The following CADM2 variants were observed in gnomAD, a reference collection of about 807,000 sequenced individuals.
CADM2 encodes the protein cell adhesion molecule 2.
Under a neutral mutation model 49.8 loss-of-function variants are expected in CADM2, and 12 were observed. The observed-to-expected ratio is 0.24, with a 90% CI of 0.15 to 0.39. CADM2 has a LOEUF of 0.39. Among genes scored for constraint, CADM2 ranks in the 10% least tolerant of loss-of-function variants. CADM2 has a pLI of 1.00. For missense variants in CADM2, 378 were observed against 492.3 expected (o/e 0.77, Z 2.20); for synonymous variants, 214 against 175.4 (o/e 1.22, Z -1.74).
At chr3:85,521,952 C>G (rs1474957406) in intron 1 of CADM2, among the ~76,000 whole-genome samples, 1 of 152,024 alleles carries the variant, frequency 6.6e-6, no homozygotes, top group African/African-American at 2.4e-5. Context: ...GTACCAGTCG[C>G]TTTTCTGGGG....
chr3:85,584,054 TTA>T, intron 1 of CADM2, among the ~76,000 whole-genome samples: 1 of 152,206 alleles, frequency 6.6e-6, no homozygotes, highest in East Asian at 1.9e-4. Flanking sequence ...TGTCATATTG[TTA>T]AAATTATGCA....
chr3:85,977,130 A>G (rs1356135547), intron 8 of CADM2, among the ~76,000 whole-genome samples: 1 of 151,082 alleles, frequency 6.6e-6, no homozygotes, highest in Non-Finnish European at 1.5e-5. Flanking sequence ...TACTATAATA[A>G]TAATAATTAT....
At chr3:85,524,032 T>C (rs920025357) in intron 1 of CADM2, among the ~76,000 whole-genome samples, 1 of 152,156 alleles carries the variant, frequency 6.6e-6, no homozygotes, top group African/African-American at 2.4e-5. Context: ...TTCCAAGTTA[T>C]AAGGAAATCA....
chr3:85,488,995 GT>G (rs1168944005), intron 1 of CADM2, among the ~76,000 whole-genome samples: 1 of 151,936 alleles, frequency 6.6e-6, no homozygotes, highest in African/African-American at 2.4e-5. Context: ...TCCATATACT[GT>G]GTATATTTAT....
intron 1 of CADM2, among the ~76,000 whole-genome samples, chr3:85,469,353 G>A (rs2038664206): frequency 6.6e-6 from 1 of 152,120 alleles, no homozygotes; most frequent in South Asian, 2.1e-4. Flanking sequence ...CAAGGGAGCT[G>A]GAGCCAAGCA....
At chr3:85,683,357 G>A (rs2107662314) in intron 1 of CADM2, among the ~76,000 whole-genome samples, 1 of 152,272 alleles carries the variant, frequency 6.6e-6, no homozygotes, top group African/African-American at 2.4e-5. Flanking sequence ...ATTTGCTTAT[G>A]CTGTATGATG....
At chr3:85,327,935 A>G (rs1277995041) in intron 1 of CADM2, among the ~76,000 whole-genome samples, 2 of 152,210 alleles carry the variant, frequency 1.3e-5, no homozygotes, top group African/African-American at 4.8e-5. Context: ...TTACTTAAAC[A>G]GCTAAACCTT....
chr3:85,438,668 A>C (rs1367555324), intron 1 of CADM2, among the ~76,000 whole-genome samples: 6 of 151,682 alleles, frequency 4.0e-5, no homozygotes, highest in Admixed American at 2.0e-4. Context: ...TTTCCTTTTC[A>C]TTTTCCTTTT....
chr3:85,884,393 C>G (rs1713263537), intron 4 of CADM2, among the ~76,000 whole-genome samples: 3 of 152,130 alleles, frequency 2.0e-5, no homozygotes, highest in Non-Finnish European at 4.4e-5. Flanking sequence ...AAACATTTCT[C>G]TGCAAGTGAC....
chr3:85,003,628 A>T (rs2033581487), intron 1 of CADM2, among the ~76,000 whole-genome samples: 1 of 152,112 alleles, frequency 6.6e-6, no homozygotes, highest in South Asian at 2.1e-4. Flanking sequence ...AAAAAAATAA[A>T]ATTTTGTGAA....
chr3:85,573,113 A>G (rs1279664102), intron 1 of CADM2, among the ~76,000 whole-genome samples: 1 of 152,074 alleles, frequency 6.6e-6, no homozygotes, highest in Non-Finnish European at 1.5e-5. Flanking sequence ...GCTTATTTCA[A>G]CATCTACATG....
intron 1 of CADM2, among the ~76,000 whole-genome samples, chr3:85,255,611 G>A: frequency 6.6e-6 from 1 of 151,336 alleles, no homozygotes; most frequent in Non-Finnish European, 1.5e-5. Flanking sequence ...AAAAAAATAT[G>A]TGTAAAACTC....
At chr3:85,127,576 T>C (rs545661314) in intron 1 of CADM2, among the ~76,000 whole-genome samples, 2 of 152,332 alleles carry the variant, frequency 1.3e-5, no homozygotes, top group Non-Finnish European at 2.9e-5. Flanking sequence ...AATTTAATAA[T>C]TTATTTATAC....
intron 2 of CADM2, among the ~76,000 whole-genome samples, chr3:85,758,508 C>T (rs2069224245): frequency 6.6e-6 from 1 of 152,080 alleles, no homozygotes. Flanking sequence ...CCTAAAGATA[C>T]TCTTAATTTT....
At chr3:85,205,018 A>T (rs995573547) in intron 1 of CADM2, among the ~76,000 whole-genome samples, 100 of 141,088 alleles carry the variant, frequency 7.1e-4, no homozygotes, top group African/African-American at 2.4e-3. Flanking sequence ...ACTTTACTTA[A>T]TTTTTTTTTT....
intron 1 of CADM2, among the ~76,000 whole-genome samples, chr3:85,438,205 A>G (rs2037022785): frequency 6.6e-6 from 1 of 152,096 alleles, no homozygotes; most frequent in Non-Finnish European, 1.5e-5. Context: ...TACCAAATTC[A>G]TACCATGATC....
chr3:85,416,994 A>G (rs1008330240), intron 1 of CADM2, among the ~76,000 whole-genome samples: 1 of 152,146 alleles, frequency 6.6e-6, no homozygotes, highest in African/African-American at 2.4e-5. Context: ...GTCTCTGATT[A>G]TGAAAATCTG....
At position 85,082,385 on chromosome 3, in the gene CADM2, T is replaced by C. The variant is rs181433683; in HGVS notation, c.61+122717T>C. On this transcript the variant is annotated intron_variant, in intron 1 of 9. Coordinates refer to ENST00000383699, the MANE Select transcript of CADM2 (RefSeq NM_001167675.2). ...TGAAAGATTCTTGTTTGTACTACAA[T>C]GCACAGGGCATATTATTTTGCAATA... 1.2e-3 allele frequency among the ~76,000 whole-genome samples: 184 copies of C among 152,314 alleles called. 1 individual carries two copies. Among genetic ancestry groups the C allele is most frequent in the African/African-American group, 4.1e-3 (171 of 41,584 alleles).
intron 1 of CADM2, among the ~76,000 whole-genome samples, chr3:84,993,257 G>A (rs1227952908): frequency 5.9e-5 from 9 of 152,100 alleles, no homozygotes. Flanking sequence ...GAGGATAGGA[G>A]TGTGCATAGC....
Sources: allele counts gnomAD v4.1 joint callset (sites outside exome capture counted in the v4.1 genomes callset), GRCh38; gene constraint gnomAD v4.1.1; transcripts MANE v1.5; gene names NCBI Gene and HGNC (gene_info 2026-07-23, HGNC 2026-07-21).